HMCN2: variants seen among roughly 807,000 people sequenced by gnomAD.
HMCN2 encodes the protein hemicentin 2.
A neutral mutation model predicts 377.5 loss-of-function variants in HMCN2; 325 were observed. The observed-to-expected ratio is 0.86, with a 90% CI of 0.79 to 0.94. The LOEUF (loss-of-function observed/expected upper bound fraction) is 0.94. HMCN2 is among the 40% of genes least tolerant of loss of function. The pLI is 0.00. For missense variants in HMCN2, 4,543 were observed against 4,725.3 expected, an observed-to-expected ratio of 0.96 and a Z score of 1.13; for synonymous variants, 2,007 against 2,046.8, an observed-to-expected ratio of 0.98 and a Z score of 0.53.
intron 8 of HMCN2, among the ~76,000 whole-genome samples, chr9:130,302,372 G>T (rs1246438109): frequency 2.0e-5 from 3 of 152,160 alleles, no homozygotes; most frequent in Non-Finnish European, 4.4e-5. Context: ...AAATGAAAAG[G>T]CTTCTTTCTA....
chr9:130,427,543 C>CCG lies in HMCN2; in HGVS notation c.13990_13991insGC (p.Leu4664ArgfsTer45). The CCG allele has an allele frequency of 6.4e-7, 1 of 1,550,528 alleles. No individual in the cohort carries two copies. Among genetic ancestry groups the CCG allele is most frequent in the Non-Finnish European group, 8.7e-7 (1 of 1,146,978 alleles). On this transcript the variant is annotated frameshift_variant, in exon 92 of 98. Coordinates refer to ENST00000683500, the MANE Select transcript of HMCN2 (RefSeq NM_001291815.2). LOFTEE classifies it high-confidence loss of function. The stretch of plus-strand genomic sequence containing the variant: ...GCCCTAGCCCCTGCTCCCATGCCTG[C>CCG]CTTAATGCACCCGGCCGCTTCTCCT...
intron 4 of HMCN2, among the ~76,000 whole-genome samples, chr9:130,288,200 T>A (rs1273245976): frequency 6.6e-6 from 1 of 152,130 alleles, no homozygotes; most frequent in Non-Finnish European, 1.5e-5. Context: ...CTCGCCCAGG[T>A]GTGAGGCTGG....
intron 85 of HMCN2, among the ~76,000 whole-genome samples, chr9:130,411,086 C>T (rs530841087): frequency 5.9e-5 from 9 of 152,084 alleles, no homozygotes; most frequent in Non-Finnish European, 1.2e-4. Context: ...TTTTACAATG[C>T]GAACCCACCC....
chr9:130,353,118 G>A lies in HMCN2; in HGVS notation c.4777G>A (p.Ala1593Thr). 10 of 1,304,186 alleles carry A rather than the reference G, an allele frequency of 7.7e-6. No individual in the cohort carries two copies. The highest frequency in any genetic ancestry group is 1.0e-5 in the Non-Finnish European group (10 of 988,914). 80.8% of individuals were successfully genotyped at this position (1,304,186 alleles called of 1,614,324 possible). Residue 1593 changes from alanine (A) to threonine (T), a missense_variant, in exon 31 of 98, where the codon GCC (alanine) becomes ACC (threonine). Physicochemically the swap from Ala to Thr is moderately conservative, Grantham distance 58. Around this residue, in one of 5 missense-constraint regions of HMCN2, gnomAD observed 1,032 missense variants for 1,285.1 expected, o/e 0.80. Transcript: ENST00000683500. ...RGGRQLQLGR[A>T]QSSDAGVYTC... ...CGGTCGGCAGTTGCAGCTGGGGAGG[G>A]CCCAGAGCTCCGATGCCGGCGTCTA...
chr9:130,352,430 C>T (rs1042006425), intron 30 of HMCN2, among the ~76,000 whole-genome samples: 3 of 152,224 alleles, frequency 2.0e-5, no homozygotes, highest in Non-Finnish European at 2.9e-5. Context: ...TAGCACCAAA[C>T]GGAGCCTTTC....
At position 130,349,093 on chromosome 9, in the gene HMCN2, C is replaced by T. The variant is rs1175280194; in HGVS notation, c.4265C>T (p.Ala1422Val). Reference protein sequence around the residue: ...GLYSCRAENQAGTAQRDFHLL... With the variant: ...GLYSCRAENQVGTAQRDFHLL... ...TACTCCTGCCGGGCAGAGAACCAGG[C>T]TGGCACCGCCCAGAGGGACTTCCAT... Residue 1422 changes from alanine to valine, a missense_variant, in exon 28 of 98, where the codon GCT becomes GTT. Ala to Val is a moderately conservative substitution (Grantham distance 64). Transcript: ENST00000683500. The T allele has an allele frequency of 1.5e-6, 2 of 1,304,138 alleles. No homozygotes were observed. The highest frequency in any genetic ancestry group is 1.5e-5 in the African/African-American group (1 of 65,876). The allele number at this position is 1,304,138 out of a possible 1,614,324, so 80.8% of individuals were successfully genotyped here.
chr9:130,433,769 C>G lies in HMCN2; in HGVS notation c.*76C>G. On this transcript the variant is annotated 3_prime_UTR_variant, in exon 98 of 98. Coordinates refer to ENST00000683500, the MANE Select transcript of HMCN2 (RefSeq NM_001291815.2). ...CGAGGAGAAGCTTGGTCCACGCCACCTGCTGTGGCAAGCGGAGCGTCATCG... is the reference window on the plus strand; with the variant it reads ...CGAGGAGAAGCTTGGTCCACGCCACGTGCTGTGGCAAGCGGAGCGTCATCG... The G allele has an allele frequency of 1.7e-6, 2 of 1,185,626 alleles. No individual in the cohort carries two copies. Among genetic ancestry groups the G allele is most frequent in the South Asian group, 1.8e-5 (1 of 56,278 alleles). 73.4% of individuals were successfully genotyped at this position (1,185,626 alleles called of 1,614,324 possible). A position where few individuals can be genotyped will look rare whatever the true frequency, so the allele number is the denominator to read the frequency against.
intron 22 of HMCN2, among the ~76,000 whole-genome samples, chr9:130,334,188 C>G (rs1838583284): frequency 1.3e-5 from 2 of 152,328 alleles, no homozygotes; most frequent in South Asian, 4.1e-4. Flanking sequence ...GGCCTGGCCC[C>G]CTGCGGAGGA....
In HMCN2 at chr9:130,393,614, G is replaced by A. The variant is rs1842443789; in HGVS notation, c.10235-128G>A. 1 of 812,986 alleles carries A rather than the reference G, an allele frequency of 1.2e-6. No homozygotes were observed. Among genetic ancestry groups the A allele is most frequent in the African/African-American group, 1.9e-5 (1 of 53,810 alleles). 50.4% of individuals were successfully genotyped at this position (812,986 alleles called of 1,614,324 possible). ...ATGGAGAGGATGCTGTGGGAGCACA[G>A]AGGAGGGCACCTCACCTGGCCTTGG... On this transcript the variant is annotated intron_variant, in intron 67 of 97. Coordinates refer to ENST00000683500, the MANE Select transcript of HMCN2 (RefSeq NM_001291815.2). This position sits in a 1 kb window ranked among gnomAD's most constrained non-coding sequence, Gnocchi z 5.2.
In HMCN2 at chr9:130,303,284, G is replaced by A. The variant is rs1435261581; in HGVS notation, c.1422-203G>A. Among the ~76,000 whole-genome samples, 2 of 152,222 alleles carry A rather than the reference G, an allele frequency of 1.3e-5. No homozygotes were observed. The highest frequency in any genetic ancestry group is 2.4e-5 in the African/African-American group (1 of 41,458). ...CAGGGCAGGAAGGATGGGAGCCCAGGACTCAGAGAGAGGAAGGGCCTGACT... is the reference window on the plus strand; with the variant it reads ...CAGGGCAGGAAGGATGGGAGCCCAGAACTCAGAGAGAGGAAGGGCCTGACT... On this transcript the variant is annotated intron_variant, in intron 9 of 97. Transcript: ENST00000683500. The surrounding 1 kb of genome is among the most constrained non-coding windows in gnomAD (Gnocchi z 5.2).
Position 130,391,277 on chromosome 9 carries a change from C to T in HMCN2, c.9741C>T (p.Asp3247=). The T allele has an allele frequency of 1.0e-6, 1 of 987,724 alleles. No homozygotes were observed. The allele number at this position is 987,724 out of a possible 1,614,324, so 61.2% of individuals were successfully genotyped here. Residue 3247 remains aspartate (D), a synonymous_variant, in exon 64 of 98, where the codon GAC becomes GAT. Transcript: ENST00000683500. ...HVLEGQEVRL[D]CEADGQPPPD... ...TGGAAGGGCAGGAGGTGCGGCTGGA[C>T]TGTGAGGCCGATGGGCAGCCGCCGC...
Position 130,389,087 on chromosome 9 carries a change from C to A in HMCN2, c.9523+547C>A, listed in dbSNP as rs1842165933. ...CGTGGGGCAGAAAGGTCTGAAGGTA[C>A]AGCTCGGAGCTGGTCCCTTGTCTGG... On this transcript the variant is annotated intron_variant, in intron 62 of 97. Coordinates refer to ENST00000683500, the MANE Select transcript of HMCN2 (RefSeq NM_001291815.2). Among the ~76,000 whole-genome samples, 5 of 152,332 alleles carry A rather than the reference C, an allele frequency of 3.3e-5. No individual in the cohort carries two copies. In the South Asian group the frequency reaches 1.0e-3, roughly 32 times the overall value.
Position 130,304,782 on chromosome 9 carries a change from G to T in HMCN2, c.1596G>T (p.Glu532Asp), listed in dbSNP as rs1554935967. The change falls in exon 11 of 98, where the codon GAG becomes GAT. Residue 532 changes from glutamate to aspartate, a missense_variant. Around this residue, in one of 5 missense-constraint regions of HMCN2, gnomAD observed 547 missense variants for 189.9 expected, o/e 2.88. Coordinates refer to ENST00000683500, the MANE Select transcript of HMCN2 (RefSeq NM_001291815.2). This position sits in a 1 kb window ranked among gnomAD's most constrained non-coding sequence, Gnocchi z 4.3. The part of the protein sequence containing the change: ...PAPNVTVSPG[E>D]TAVLSCRVLG... ...CCAACGTGACCGTGTCCCCAGGGGA[G>T]ACTGCCGTCCTATCCTGCCGGGTCC... is the stretch of plus-strand genomic sequence containing the variant. The T allele has an allele frequency of 4.2e-6, 2 of 471,238 alleles. No homozygotes were observed. The highest frequency in any genetic ancestry group is 2.0e-5 in the African/African-American group (1 of 50,200). 29.2% of individuals were successfully genotyped at this position (471,238 alleles called of 1,614,324 possible).
At position 130,391,539 on chromosome 9, in the gene HMCN2, G is replaced by GGGAGGAC. The variant is rs1842324020; in HGVS notation, c.9919_9925dup (p.Ala3309GlyfsTer118). 2 of 987,638 alleles carry GGGAGGAC rather than the reference G, an allele frequency of 2.0e-6. No individual in the cohort carries two copies. Among genetic ancestry groups the GGGAGGAC allele is most frequent in the African/African-American group, 3.5e-5 (2 of 57,324 alleles). The allele number at this position is 987,638 out of a possible 1,614,324, so 61.2% of individuals were successfully genotyped here. On this transcript the variant is annotated frameshift_variant, in exon 65 of 98. Coordinates refer to ENST00000683500, the MANE Select transcript of HMCN2 (RefSeq NM_001291815.2). LOFTEE classifies it high-confidence loss of function. ...ACCTGCGTGGCCCACAACCCAGCCG[G>GGGAGGAC]GGAGGACGCCAGGCTGCACACGGTG...
At chr9:130,301,407 A>G (rs1293160164) in intron 8 of HMCN2, among the ~76,000 whole-genome samples, 2 of 152,190 alleles carry the variant, frequency 1.3e-5, no homozygotes, top group African/African-American at 4.8e-5. Context: ...AAGTTGGGGA[A>G]GGGATTTGGT....
chr9:130,267,210 G>T (rs1834154080), intron 1 of HMCN2, among the ~76,000 whole-genome samples: 1 of 151,590 alleles, frequency 6.6e-6, no homozygotes, highest in Non-Finnish European at 1.5e-5. Flanking sequence ...CTCCCAAAGT[G>T]CTGAAATTAC....
In HMCN2 at chr9:130,369,499, C is replaced by A. The variant is rs1406358785; in HGVS notation, c.6788-71C>A. ...GGGGAGAGGGTGTGTCCCTATTGGG[C>A]CCGGGGTAAGTGTGTGGTGCCTGGT... On this transcript the variant is annotated intron_variant, in intron 44 of 97. Coordinates refer to ENST00000683500, the MANE Select transcript of HMCN2 (RefSeq NM_001291815.2). The surrounding 1 kb of genome is among the most constrained non-coding windows in gnomAD (Gnocchi z 4.5). 4.1e-5 allele frequency: 37 copies of A among 893,792 alleles called. No individual in the cohort carries two copies. The highest frequency in any genetic ancestry group is 4.8e-5 in the Non-Finnish European group (36 of 745,962). The allele number at this position is 893,792 out of a possible 1,614,324, so 55.4% of individuals were successfully genotyped here.
chr9:130,343,455 G>A lies in HMCN2; in HGVS notation c.3829+1019G>A, dbSNP rs1839171386. Among the ~76,000 whole-genome samples the A allele has an allele frequency of 2.0e-5, 3 of 152,310 alleles. No individual in the cohort carries two copies. In the East Asian group the frequency reaches 5.8e-4, roughly 29 times the overall value. On this transcript the variant is annotated intron_variant, in intron 25 of 97. Coordinates refer to ENST00000683500, the MANE Select transcript of HMCN2 (RefSeq NM_001291815.2). ...AGGGATGGCACCCACCTAGGCAAGG[G>A]GAGGACCTGGGTGGGAGCTCTGGGA...
intron 86 of HMCN2, among the ~76,000 whole-genome samples, chr9:130,421,864 A>G (rs775425962): frequency 2.0e-5 from 3 of 152,200 alleles, no homozygotes; most frequent in Admixed American, 6.5e-5. Context: ...TTGACAGATC[A>G]TGGGCAATTT....
Sources: allele counts gnomAD v4.1 joint callset (sites outside exome capture counted in the v4.1 genomes callset), GRCh38; gene constraint gnomAD v4.1.1; regional missense constraint gnomAD v4.1.1; non-coding constraint Gnocchi (gnomAD v3.1); transcripts MANE v1.5; gene names NCBI Gene and HGNC (gene_info 2026-07-23, HGNC 2026-07-21).